NRG3: variants seen among roughly 807,000 people sequenced by gnomAD.
The protein encoded by NRG3 is pro-neuregulin-3, membrane-bound isoform.
NRG3 carries 31 observed loss-of-function variants against 66.9 expected under a neutral mutation model. The observed-to-expected ratio is 0.46, with a 90% CI of 0.35 to 0.63. The LOEUF is 0.63. NRG3 is among the 20% of genes least tolerant of loss of function. The pLI is 0.00. For synonymous variants in NRG3, 393 were observed against 359.4 expected (o/e 1.09, Z -1.06); for missense variants, 910 against 878.9 (o/e 1.04, Z -0.45).
intron 4 of NRG3, among the ~76,000 whole-genome samples, chr10:82,879,958 C>CTTTTT (rs35159008): frequency 1.4e-3 from 110 of 78,406 alleles, no homozygotes; most frequent in East Asian, 2.3e-3. Flanking sequence ...GATTTCATCC[C>CTTTTT]TTTTTTTTTT....
At chr10:82,198,996 A>G (rs950439639) in intron 1 of NRG3, among the ~76,000 whole-genome samples, 4 of 108,712 alleles carry the variant, frequency 3.7e-5, no homozygotes, top group Non-Finnish European at 7.3e-5. Context: ...GACTCCATCT[A>G]AAAAAAAAAA....
chr10:82,047,362 T>C (rs2063349563), intron 1 of NRG3, among the ~76,000 whole-genome samples: 1 of 152,034 alleles, frequency 6.6e-6, no homozygotes, highest in Non-Finnish European at 1.5e-5. Flanking sequence ...AAGGTCGGGT[T>C]ACCCACAAAG....
intron 2 of NRG3, among the ~76,000 whole-genome samples, chr10:82,705,348 A>G (rs1476415120): frequency 6.6e-6 from 1 of 152,164 alleles, no homozygotes; most frequent in Non-Finnish European, 1.5e-5. Context: ...GTCCTTAAAC[A>G]TTTCTTTGAA....
intron 1 of NRG3, among the ~76,000 whole-genome samples, chr10:82,023,419 A>G (rs1365986675): frequency 6.6e-6 from 1 of 152,062 alleles, no homozygotes; most frequent in Non-Finnish European, 1.5e-5. Context: ...GATGGCAGGT[A>G]TCCTTGTCTT....
At chr10:82,710,671 A>C (rs1277632325) in intron 2 of NRG3, among the ~76,000 whole-genome samples, 1 of 150,988 alleles carries the variant, frequency 6.6e-6, no homozygotes, top group South Asian at 2.1e-4. Flanking sequence ...CATTTATTCA[A>C]TTATTAGCTC....
chr10:82,973,418 T>C (rs956002524), intron 6 of NRG3, among the ~76,000 whole-genome samples: 1 of 152,218 alleles, frequency 6.6e-6, no homozygotes, highest in Admixed American at 6.5e-5. Context: ...TTATTATTAG[T>C]AACCCAGCTA....
chr10:82,786,966 C>A lies in NRG3; in HGVS notation c.1027+48316C>A, dbSNP rs75655694. ...AGAAGGCTCTCGCTGTATGTGGGCC[C>A]CTTGACCTTCGACTTTATAGCCTCC... On this transcript the variant is annotated intron_variant, in intron 3 of 8. Coordinates refer to ENST00000372141, the MANE Select transcript of NRG3 (RefSeq NM_001010848.4). Among the ~76,000 whole-genome samples the A allele has an allele frequency of 6.8e-3, 1,041 of 152,144 alleles. 13 individuals are homozygous for A. Among genetic ancestry groups the A allele is most frequent in the African/African-American group, 0.024 (1,003 of 41,516 alleles).
In NRG3 at chr10:82,684,845, G is replaced by GA. The variant is rs200739562; in HGVS notation, c.954-53724dup. Among the ~76,000 whole-genome samples, 521 of 151,810 alleles carry GA rather than the reference G, an allele frequency of 3.4e-3. 5 individuals are homozygous for GA. Among genetic ancestry groups the GA allele is most frequent in the African/African-American group, 0.012 (494 of 41,398 alleles). On this transcript the variant is annotated intron_variant, in intron 2 of 8. Transcript: ENST00000372141. Reference sequence around the variant, plus strand: ...AGCAAAGGTCCAAAAAATTGTTCCAGAAAAAAAACTGACTAAATAGGAATG... The same window carrying GA: ...AGCAAAGGTCCAAAAAATTGTTCCAGAAAAAAAAACTGACTAAATAGGAATG...
intron 3 of NRG3, among the ~76,000 whole-genome samples, chr10:82,756,485 A>T (rs915392205): frequency 3.3e-5 from 5 of 152,132 alleles, no homozygotes; most frequent in Non-Finnish European, 7.4e-5. Context: ...TGCCCAGTGT[A>T]TGTAGTTCGT....
chr10:82,536,383 T>C (rs1450451223), intron 2 of NRG3, among the ~76,000 whole-genome samples: 4 of 152,202 alleles, frequency 2.6e-5, no homozygotes, highest in African/African-American at 9.6e-5. Flanking sequence ...CTCTCCCTTA[T>C]AAGAATTAAA....
intron 2 of NRG3, among the ~76,000 whole-genome samples, chr10:82,714,284 T>G (rs966188125): frequency 6.6e-6 from 1 of 152,080 alleles, no homozygotes; most frequent in African/African-American, 2.4e-5. Flanking sequence ...ATACAATATA[T>G]TAACTATACT....
intron 2 of NRG3, among the ~76,000 whole-genome samples, chr10:82,600,787 T>C (rs1253811948): frequency 3.3e-5 from 5 of 152,048 alleles, no homozygotes; most frequent in African/African-American, 1.2e-4. Flanking sequence ...TTATTTTTAT[T>C]TTTTTTAATT....
intron 4 of NRG3, among the ~76,000 whole-genome samples, chr10:82,946,892 T>A (rs1849081277): frequency 6.6e-6 from 1 of 152,206 alleles, no homozygotes; most frequent in Admixed American, 6.5e-5. Flanking sequence ...ATATTCTGCA[T>A]ATTCGACATA....
At chr10:82,469,116 C>T (rs1840980690) in intron 2 of NRG3, among the ~76,000 whole-genome samples, 1 of 152,126 alleles carries the variant, frequency 6.6e-6, no homozygotes, top group African/African-American at 2.4e-5. Flanking sequence ...ATTCACTTGG[C>T]CTGTTGAGTT....
chr10:81,954,448 T>G (rs1849636953), intron 1 of NRG3, among the ~76,000 whole-genome samples: 1 of 152,170 alleles, frequency 6.6e-6, no homozygotes, highest in Non-Finnish European at 1.5e-5. Context: ...AAATATTAGA[T>G]TAACATACCA....
chr10:82,626,437 C>A (rs1205518718), intron 2 of NRG3, among the ~76,000 whole-genome samples: 1 of 152,086 alleles, frequency 6.6e-6, no homozygotes, highest in Admixed American at 6.6e-5. Flanking sequence ...TGTTTTGAAC[C>A]TGATCCAGGA....
At chr10:81,960,810 A>G (rs925981442) in intron 1 of NRG3, among the ~76,000 whole-genome samples, 2 of 152,044 alleles carry the variant, frequency 1.3e-5, no homozygotes, top group Admixed American at 6.6e-5. Context: ...TTCAGGCTCG[A>G]TGAAGTTCAA....
intron 1 of NRG3, among the ~76,000 whole-genome samples, chr10:82,326,783 C>G (rs2135215468): frequency 6.6e-6 from 1 of 152,234 alleles, no homozygotes; most frequent in African/African-American, 2.4e-5. Flanking sequence ...AGTCTTAGTC[C>G]ATGATACTAC....
chr10:82,785,309 C>A (rs2060308459), intron 3 of NRG3, among the ~76,000 whole-genome samples: 1 of 151,514 alleles, frequency 6.6e-6, no homozygotes, highest in Non-Finnish European at 1.5e-5. Context: ...ACATACGTAA[C>A]TAACCTGCAC....
Sources: allele counts gnomAD v4.1 joint callset (sites outside exome capture counted in the v4.1 genomes callset), GRCh38; gene constraint gnomAD v4.1.1; transcripts MANE v1.5; gene names NCBI Gene and HGNC (gene_info 2026-07-23, HGNC 2026-07-21).